MKI67: variants seen among roughly 807,000 people sequenced by gnomAD.
MKI67 encodes proliferation marker protein Ki-67.
MKI67 carries 152 observed loss-of-function variants against 233.5 expected under a neutral mutation model. The observed-to-expected ratio is 0.65, with a 90% confidence interval of 0.57 to 0.74. MKI67 has a LOEUF of 0.74. Ranked by LOEUF, MKI67 falls within the 30% of genes least tolerant of loss-of-function variation. MKI67 has a pLI of 0.00. For missense variants in MKI67, 3,940 were observed against 3,885.2 expected, an observed-to-expected ratio of 1.01 and a Z score of -0.37; for synonymous variants, 1,465 against 1,418.5, an observed-to-expected ratio of 1.03 and a Z score of -0.74.
At chr10:128,121,534 T>TCATAA (rs67530833) in intron 4 of MKI67, among the ~76,000 whole-genome samples, 1 of 137,092 alleles carries the variant, frequency 7.3e-6, no homozygotes, top group South Asian at 2.1e-4. Context: ...ATATTATATA[T>TCATAA]TATATTATAA....
intron 11 of MKI67, 59 bp from the exon 12 acceptor site, chr10:128,110,592 C>G: frequency 7.3e-7 from 1 of 1,374,338 alleles, no homozygotes; most frequent in Non-Finnish European, 1.0e-6. Flanking sequence ...AGACAACCAT[C>G]CCAGCCCTCA....
chr10:128,116,627 C>T, intron 5 of MKI67, 91 bp from the exon 6 acceptor site: 1 of 1,322,170 alleles, frequency 7.6e-7, no homozygotes, highest in South Asian at 1.2e-5. Flanking sequence ...TGTTTTCTGG[C>T]TGGGCATGAT....
Position 128,103,547 on chromosome 10 carries a change from C to A in MKI67, c.8293G>T (p.Ala2765Ser). 6.2e-7 allele frequency: 1 copy of A among 1,613,736 alleles called. No individual in the cohort carries two copies. Among genetic ancestry groups the A allele is most frequent in the Non-Finnish European group, 8.5e-7 (1 of 1,179,916 alleles). ...GTCTGTTTTGCAGATTCCTTCAATG[C>A]TTTGATGCCTTTATCTTCACCTGCT... ...EPAGEDKGIK[A>S]LKESAKQTPA... Residue 2765 changes from alanine to serine, a missense_variant, in exon 13 of 15, where the codon GCA (alanine) becomes TCA (serine). Ala to Ser is a moderately conservative substitution (Grantham distance 99). Transcript: ENST00000368654.
chr10:128,118,108 C>A (rs2782866), intron 5 of MKI67, among the ~76,000 whole-genome samples: 1 of 151,958 alleles, frequency 6.6e-6, no homozygotes, highest in Non-Finnish European at 1.5e-5. Flanking sequence ...ACTTAAATGG[C>A]AGAAATGGAC....
chr10:128,115,135 T>C lies in MKI67; in HGVS notation c.1273A>G (p.Ser425Gly). The C allele has an allele frequency of 6.2e-7, 1 of 1,614,258 alleles. No individual in the cohort carries two copies. The highest frequency in any genetic ancestry group is 8.5e-7 in the Non-Finnish European group (1 of 1,180,046). Reference protein sequence around the residue: ...PENLSSKTRGSIPTDVEVLPT... With the variant: ...PENLSSKTRGGIPTDVEVLPT... ...AGAACTTCCACATCTGTAGGAATAC[T>C]TCCTCTGGTTTTGGAAGAGAGATTT... Residue 425 changes from serine (S) to glycine (G), a missense_variant, in exon 7 of 15, where the codon AGT (serine) becomes GGT (glycine). Transcript: ENST00000368654.
At chr10:128,099,326 C>CA in intron 14 of MKI67, 71 bp from the exon 15 acceptor site, 1 of 1,209,146 alleles carries the variant, frequency 8.3e-7, no homozygotes, top group Non-Finnish European at 1.2e-6. Flanking sequence ...ACCTCCTCTG[C>CA]AAAACCCCAA....
At chr10:128,124,498 C>A (rs1311597677) in intron 2 of MKI67, among the ~76,000 whole-genome samples, 1 of 152,192 alleles carries the variant, frequency 6.6e-6, no homozygotes, top group Non-Finnish European at 1.5e-5. Flanking sequence ...GATGACCCTC[C>A]TGTGAGAACC....
intron 7 of MKI67, 133 bp downstream of exon 7, chr10:128,114,793 CTG>C: frequency 1.2e-6 from 1 of 835,608 alleles, no homozygotes; most frequent in South Asian, 2.1e-5. Context: ...GCGTGCGTGT[CTG>C]TCTTATCCCT....
intron 7 of MKI67, 90 bp from the exon 8 acceptor site, chr10:128,113,692 A>G: frequency 1.6e-6 from 2 of 1,236,136 alleles, no homozygotes; most frequent in Non-Finnish European, 1.2e-6. Flanking sequence ...AGACAAACCA[A>G]GTGAAAAGTC....
Position 128,104,113 on chromosome 10 carries a change from A to T in MKI67, c.7727T>A (p.Met2576Lys). The T allele has an allele frequency of 1.2e-6, 2 of 1,614,016 alleles. No homozygotes were observed. The highest frequency in any genetic ancestry group is 2.2e-5 in the South Asian group (2 of 91,070). Residue 2576 changes from methionine to lysine, a missense_variant, in exon 13 of 15, where the codon ATG becomes AAG. Physicochemically the swap from Met to Lys is moderately conservative, Grantham distance 95 (BLOSUM62 -1). Transcript: ENST00000368654. Reference sequence around the variant, plus strand: ...AATTTTTGTGTTTTTGTCAATAGTCATTGACTCTTCAGTGTGACCTGGTGC... The same window carrying T: ...AATTTTTGTGTTTTTGTCAATAGTCTTTGACTCTTCAGTGTGACCTGGTGC... ...FSAPGHTEES[M>K]TIDKNTKIPC...
rs1251180619 is a variant in MKI67 at position 128,107,092 on chromosome 10, TG to T, written c.4747del (p.Gln1583ArgfsTer3). The stretch of plus-strand genomic sequence containing the variant: ...AAAGCCAGCCAGGTCTTCTAGAGCC[TG>T]GGCCTTTTCCTTAGGAGTTTGTAGC... ...RRLQTPKEKA[Q>X]ALEDLAGFKE... On this transcript the variant is annotated frameshift_variant, in exon 13 of 15. Transcript: ENST00000368654. LOFTEE classifies it high-confidence loss of function. 1 of 1,614,014 alleles carries T rather than the reference TG, an allele frequency of 6.2e-7. No individual in the cohort carries two copies. The highest frequency in any genetic ancestry group is 2.2e-5 in the East Asian group (1 of 44,874).
Position 128,109,018 on chromosome 10 carries a change from T to G in MKI67, c.2822A>C (p.Asn941Thr), listed in dbSNP as rs1301705495. ...CTTCATTGCTTTCATCTTTTCATCG[T>G]TTTCTTTTAATTCAATATTTTCCTT... is the stretch of plus-strand genomic sequence containing the variant. ...TYKENIELKE[N>T]DEKMKAMKRS... Residue 941 changes from asparagine (N) to threonine (T), a missense_variant, in exon 13 of 15, where the codon AAC becomes ACC. Transcript: ENST00000368654. 5 of 1,614,184 alleles carry G rather than the reference T, an allele frequency of 3.1e-6. No individual in the cohort carries two copies. Among genetic ancestry groups the G allele is most frequent in the East Asian group, 4.5e-5 (2 of 44,872 alleles).
chr10:128,118,130 G>A (rs1428503593), intron 5 of MKI67, among the ~76,000 whole-genome samples: 1 of 152,194 alleles, frequency 6.6e-6, no homozygotes, highest in Non-Finnish European at 1.5e-5. Flanking sequence ...GGGCATGGTG[G>A]CTCAAGCCTG....
At chr10:128,111,531 C>CGT in intron 11 of MKI67, 114 bp downstream of exon 11, 7 of 957,990 alleles carry the variant, frequency 7.3e-6, no homozygotes, top group Admixed American at 2.8e-5. Context: ...GTGATTGAGT[C>CGT]GTTTATTTTA....
rs147035437 is a variant in MKI67 at position 128,104,047 on chromosome 10, G to A, written c.7793C>T (p.Thr2598Met). 23 of 1,613,862 alleles carry A rather than the reference G, an allele frequency of 1.4e-5. No homozygotes were observed. The highest frequency in any genetic ancestry group is 1.3e-4 in the African/African-American group (10 of 74,862). ...SPPPELTDTATSTKRCPKTRP... is the reference protein window; with the variant it reads ...SPPPELTDTAMSTKRCPKTRP... ...TGTCTTGGGGCATCTCTTTGTGCTC[G>A]TGGCAGTGTCTGTTAGTTCTGGTGG... Residue 2598 changes from threonine (T) to methionine (M), a missense_variant, in exon 13 of 15, where the codon ACG becomes ATG. Physicochemically the swap from Thr to Met is moderately conservative, Grantham distance 81. Coordinates refer to ENST00000368654, the MANE Select transcript of MKI67 (RefSeq NM_002417.5).
At position 128,103,065 on chromosome 10, in the gene MKI67, A is replaced by G. The variant is rs1266710437; in HGVS notation, c.8775T>C (p.Ser2925=). 5 of 1,614,046 alleles carry G rather than the reference A, an allele frequency of 3.1e-6. No individual in the cohort carries two copies. The highest frequency in any genetic ancestry group is 4.2e-6 in the Non-Finnish European group (5 of 1,180,034). The stretch of plus-strand genomic sequence containing the variant: ...GTTCCTCAGTGTGGCCTGGTGTTTG[A>G]GAGAGCTCTTGGAAGCTGGCCAGAT... ...LEDLASFQEL[S]QTPGHTEELA... Residue 2925 remains serine (S), a synonymous_variant, in exon 13 of 15, where the codon TCT becomes TCC. Transcript: ENST00000368654.
Position 128,106,103 on chromosome 10 carries a change from C to CACCT in MKI67, c.5733_5736dup (p.Glu1913ArgfsTer2). Reference sequence around the variant, plus strand: ...ACAAATGTGTTGATGTCTTTCTCTTCACCTACTGCTGCTTTAGGCGTGTGC... The same window carrying CACCT: ...ACAAATGTGTTGATGTCTTTCTCTTCACCTACCTACTGCTGCTTTAGGCGTGTGC... On this transcript the variant is annotated frameshift_variant, in exon 13 of 15. Coordinates refer to ENST00000368654, the MANE Select transcript of MKI67 (RefSeq NM_002417.5). LOFTEE classifies it high-confidence loss of function. The CACCT allele has an allele frequency of 6.2e-7, 1 of 1,614,000 alleles. No individual in the cohort carries two copies. The highest frequency in any genetic ancestry group is 8.5e-7 in the Non-Finnish European group (1 of 1,180,012).
Position 128,115,021 on chromosome 10 carries a change from T to C in MKI67, c.1387A>G (p.Lys463Glu). 6.2e-7 allele frequency: 1 copy of C among 1,611,762 alleles called. No homozygotes were observed. The highest frequency in any genetic ancestry group is 8.5e-7 in the Non-Finnish European group (1 of 1,177,834). ...ERKIQKDSLS[K>E]PEKLGTTAGQ... ...GCTGTAGTGCCCAATTTCTCAGGCT[T>C]GCTGAGGGAATCCTTTTGGATCTTC... The change falls in exon 7 of 15, where the codon AAG (lysine) becomes GAG (glutamate). Residue 463 changes from lysine (K) to glutamate (E), a missense_variant. Lys to Glu is a moderately conservative substitution (Grantham distance 56). Transcript: ENST00000368654.
In MKI67 at chr10:128,107,632, T is replaced by A. The variant is rs3740423; in HGVS notation, c.4208A>T (p.Glu1403Val). The A allele has an allele frequency of 0.18, 287,519 of 1,613,910 alleles. 27,230 individuals carry two copies. Among genetic ancestry groups the A allele is most frequent in the Admixed American group, 0.27 (16,028 of 59,978 alleles). Reference sequence around the variant, plus strand: ...TGTGAGCTTCTTCAGGGCTGAGAGCTCCTTCTGTACGTCCCTTTTCTCCAA... The same window carrying A: ...TGTGAGCTTCTTCAGGGCTGAGAGCACCTTCTGTACGTCCCTTTTCTCCAA... ...TPLEKRDVQK[E>V]LSALKKLTQT... Residue 1403 changes from glutamate to valine, a missense_variant, in exon 13 of 15, where the codon GAG becomes GTG. By Grantham distance (121) the Glu-to-Val change is moderately radical (BLOSUM62 -2). Coordinates refer to ENST00000368654, the MANE Select transcript of MKI67 (RefSeq NM_002417.5).
Sources: allele counts gnomAD v4.1 joint callset (sites outside exome capture counted in the v4.1 genomes callset), GRCh38; gene constraint gnomAD v4.1.1; transcripts MANE v1.5; gene names NCBI Gene and HGNC (gene_info 2026-07-23, HGNC 2026-07-21).